SLC35F4: variants seen among roughly 807,000 people sequenced by gnomAD.
The protein encoded by SLC35F4 is solute carrier family 35 member F4, also known as chromosome 14 open reading frame 36.
SLC35F4 carries 24 observed loss-of-function variants against 44.2 expected under a neutral mutation model. The ratio of observed to expected loss-of-function variants is 0.54; its 90% CI spans 0.39 to 0.76. The LOEUF is 0.76. SLC35F4 is among the 30% of genes least tolerant of loss of function. The probability of loss-of-function intolerance (pLI) is 0.00; values close to 1 mark genes in which losing one functional copy is unlikely to be tolerated. For synonymous variants in SLC35F4, 238 were observed against 223.6 expected (o/e 1.06, Z -0.57); for missense variants, 562 against 586.1 (o/e 0.96, Z 0.42).
chr14:57,835,905 C>T (rs1259428829), intron 1 of SLC35F4, among the ~76,000 whole-genome samples: 1 of 152,096 alleles, frequency 6.6e-6, no homozygotes, highest in Non-Finnish European at 1.5e-5. Context: ...TTTTAATTTC[C>T]ATTGTTTGGG....
downstream of SLC35F4, among the ~76,000 whole-genome samples, chr14:57,974,466 AT>A (rs148296156): frequency 1.6e-3 from 251 of 152,358 alleles, no homozygotes; most frequent in African/African-American, 5.7e-3. Flanking sequence ...AAGAACATCA[AT>A]TAACCTGTGG....
intron 1 of SLC35F4, among the ~76,000 whole-genome samples, chr14:57,967,013 A>G (rs1880883574): frequency 6.6e-6 from 1 of 152,108 alleles, no homozygotes; most frequent in Non-Finnish European, 1.5e-5. Flanking sequence ...CCATCTCAAA[A>G]AAAAAAAGAA....
chr14:57,828,290 C>T (rs1048428645), intron 1 of SLC35F4, among the ~76,000 whole-genome samples: 2 of 152,130 alleles, frequency 1.3e-5, no homozygotes, highest in Admixed American at 6.6e-5. Flanking sequence ...TAAAGCTCCA[C>T]ATGATGAAAA....
chr14:57,725,000 A>C (rs1204562339), intron 1 of SLC35F4, among the ~76,000 whole-genome samples: 1 of 152,254 alleles, frequency 6.6e-6, no homozygotes, highest in Non-Finnish European at 1.5e-5. Context: ...TCAATGACAA[A>C]GAAATCTGGG....
At chr14:57,638,363 T>G (rs1176263027) in intron 1 of SLC35F4, among the ~76,000 whole-genome samples, 2 of 152,134 alleles carry the variant, frequency 1.3e-5, no homozygotes, top group African/African-American at 4.8e-5. Flanking sequence ...GTAATGCATT[T>G]AAAAGTCTCA....
intron 1 of SLC35F4, among the ~76,000 whole-genome samples, chr14:57,664,418 T>C (rs910592343): frequency 3.9e-5 from 6 of 152,022 alleles, no homozygotes; most frequent in African/African-American, 1.4e-4. Flanking sequence ...TTTATTTAAT[T>C]TTATTTTTGA....
chr14:57,820,456 G>A (rs982892619), intron 1 of SLC35F4, among the ~76,000 whole-genome samples: 11 of 151,642 alleles, frequency 7.3e-5, no homozygotes, highest in East Asian at 1.9e-4. Context: ...ATGCCACAGC[G>A]GAGAAAAAAT....
intron 1 of SLC35F4, among the ~76,000 whole-genome samples, chr14:57,950,464 C>A (rs1374186806): frequency 6.6e-6 from 1 of 151,674 alleles, no homozygotes; most frequent in African/African-American, 2.4e-5. Context: ...AAGTTAGTTT[C>A]TACCTTTCTC....
At chr14:57,581,030 G>T in intron 4 of SLC35F4, 184 bp downstream of exon 4, 1 of 483,344 alleles carries the variant, frequency 2.1e-6, no homozygotes, top group Non-Finnish European at 3.5e-6. Flanking sequence ...GAAACAAACT[G>T]TTTATCCTTC....
chr14:57,724,107 C>T (rs987358563), intron 1 of SLC35F4, among the ~76,000 whole-genome samples: 1 of 152,226 alleles, frequency 6.6e-6, no homozygotes, highest in East Asian at 1.9e-4. Context: ...GGGTGTGATA[C>T]TCTGGCCCAT....
At chr14:57,757,743 G>GT (rs1326405880) in intron 1 of SLC35F4, among the ~76,000 whole-genome samples, 1 of 151,882 alleles carries the variant, frequency 6.6e-6, no homozygotes, top group Non-Finnish European at 1.5e-5. Flanking sequence ...CTATACTGTT[G>GT]TTTTTGCTGT....
chr14:57,869,044 C>T (rs1226106960), upstream of SLC35F4, among the ~76,000 whole-genome samples: 1 of 152,026 alleles, frequency 6.6e-6, no homozygotes, highest in Non-Finnish European at 1.5e-5. Flanking sequence ...TTTGTGCGCT[C>T]TTCAGGAATT....
Position 57,564,026 on chromosome 14 carries a change from G to T in SLC35F4, c.*109C>A. ...TTATTGTTGGCATTATTTCACATAT[G>T]ATTTATCCAAATTCAGAGTTAATAC... On this transcript the variant is annotated 3_prime_UTR_variant, in exon 8 of 8. Transcript: ENST00000556826. The T allele has an allele frequency of 8.1e-7, 1 of 1,234,800 alleles. No individual in the cohort carries two copies. Among genetic ancestry groups the T allele is most frequent in the South Asian group, 1.6e-5 (1 of 63,486 alleles). 76.5% of individuals were successfully genotyped at this position (1,234,800 alleles called of 1,614,324 possible). A position where few individuals can be genotyped will look rare whatever the true frequency, so the allele number is the denominator to read the frequency against.
At chr14:57,765,242 T>C (rs2077209064) in intron 1 of SLC35F4, among the ~76,000 whole-genome samples, 1 of 152,214 alleles carries the variant, frequency 6.6e-6, no homozygotes, top group Non-Finnish European at 1.5e-5. Flanking sequence ...GGGCAAGATG[T>C]AGATAGGAGT....
intron 1 of SLC35F4, among the ~76,000 whole-genome samples, chr14:57,700,402 T>G (rs1177447198): frequency 6.6e-6 from 1 of 152,102 alleles, no homozygotes; most frequent in Non-Finnish European, 1.5e-5. Context: ...AACTGGTAAG[T>G]GGATGTGAAG....
intron 1 of SLC35F4, among the ~76,000 whole-genome samples, chr14:57,749,084 C>A (rs1294387722): frequency 6.6e-6 from 1 of 152,126 alleles, no homozygotes; most frequent in African/African-American, 2.4e-5. Flanking sequence ...TTCAAATATA[C>A]TAATAGATAT....
intron 1 of SLC35F4, among the ~76,000 whole-genome samples, chr14:57,966,372 A>C (rs1890437253): frequency 6.6e-6 from 1 of 152,262 alleles, no homozygotes; most frequent in South Asian, 2.1e-4. Flanking sequence ...TTAAATATTA[A>C]CCAAAAAGAT....
chr14:57,805,567 G>T (rs1881217211), intron 1 of SLC35F4, among the ~76,000 whole-genome samples: 1 of 152,142 alleles, frequency 6.6e-6, no homozygotes, highest in Non-Finnish European at 1.5e-5. Context: ...GGAGCTGAAT[G>T]ATGAGAACAC....
At chr14:57,659,668 T>A (rs1333118250) in intron 1 of SLC35F4, among the ~76,000 whole-genome samples, 2 of 152,190 alleles carry the variant, frequency 1.3e-5, no homozygotes, top group African/African-American at 4.8e-5. Context: ...CCCATGTTTT[T>A]AATTACTACC....
Sources: gnomAD v4.1 joint callset for allele counts (sites outside exome capture counted in the v4.1 genomes callset) on GRCh38, gnomAD v4.1.1 for gene constraint, MANE v1.5 for transcripts, NCBI Gene and HGNC (gene_info 2026-07-23, HGNC 2026-07-21) for gene names.